Variants in BCAR3 observed in about 807,000 individuals in gnomAD.
BCAR3 encodes the protein BCAR3 adaptor protein, NSP family member.
BCAR3 carries 37 observed loss-of-function variants against 80.1 expected under a neutral mutation model. The ratio of observed to expected loss-of-function variants is 0.46; its 90% confidence interval spans 0.36 to 0.61. BCAR3 has a LOEUF of 0.61. Among genes scored for constraint, BCAR3 ranks in the 20% least tolerant of loss-of-function variants. The pLI is 0.00. For synonymous variants in BCAR3, 389 were observed against 418.9 expected, an observed-to-expected ratio of 0.93 and a Z score of 0.87; for missense variants, 978 against 1,068.2, an observed-to-expected ratio of 0.92 and a Z score of 1.18.
At chr1:93,660,053 C>G (rs530101621) in intron 2 of BCAR3, among the ~76,000 whole-genome samples, 1 of 147,236 alleles carries the variant, frequency 6.8e-6, no homozygotes, top group Non-Finnish European at 1.5e-5. Flanking sequence ...AATAAATGAA[C>G]GTGTGTGTGT....
intron 2 of BCAR3, among the ~76,000 whole-genome samples, chr1:93,673,097 C>A (rs1341370531): frequency 6.6e-6 from 1 of 152,204 alleles, no homozygotes; most frequent in Non-Finnish European, 1.5e-5. Flanking sequence ...GCTTAAATAT[C>A]ATCTCAGAAA....
At chr1:93,622,956 C>A (rs1366469337) in intron 3 of BCAR3, among the ~76,000 whole-genome samples, 1 of 152,090 alleles carries the variant, frequency 6.6e-6, no homozygotes, top group Non-Finnish European at 1.5e-5. Flanking sequence ...GGGTAACTAT[C>A]CAGGAACACC....
chr1:93,685,906 T>C (rs189734318), upstream of BCAR3, among the ~76,000 whole-genome samples: 2 of 152,202 alleles, frequency 1.3e-5, no homozygotes. Context: ...TCATGTTTAG[T>C]AGACTTTTTT....
intron 2 of BCAR3, among the ~76,000 whole-genome samples, chr1:93,657,253 C>T (rs1177957237): frequency 6.6e-6 from 1 of 151,654 alleles, no homozygotes; most frequent in Non-Finnish European, 1.5e-5. Context: ...TTTTTGGTTC[C>T]CTGAAACAGA....
chr1:93,597,742 G>A (rs12073460), intron 3 of BCAR3, among the ~76,000 whole-genome samples: 6,233 of 152,230 alleles, frequency 0.041, 414 homozygotes, highest in African/African-American at 0.14. Context: ...TGATGCAGGA[G>A]GCTGAGGGAG....
intron 2 of BCAR3, among the ~76,000 whole-genome samples, chr1:93,649,332 T>C (rs1349387574): frequency 1.3e-5 from 2 of 152,168 alleles, no homozygotes; most frequent in South Asian, 2.1e-4. Flanking sequence ...GGTGGTTCCA[T>C]CTTTGTGTGG....
intron 2 of BCAR3, among the ~76,000 whole-genome samples, chr1:93,672,550 G>C (rs1648264421): frequency 6.6e-6 from 1 of 152,174 alleles, no homozygotes; most frequent in African/African-American, 2.4e-5. Flanking sequence ...TCTTTAGCAG[G>C]CCAGAAGTTA....
At chr1:93,683,678 C>T (rs1342209000), upstream of BCAR3, among the ~76,000 whole-genome samples, 1 of 152,064 alleles carries the variant, frequency 6.6e-6, no homozygotes, top group African/African-American at 2.4e-5. Context: ...AAGCTGGCCG[C>T]AAATGGGTAC....
chr1:93,777,390 CTCT>C (rs995449463), intron 2 of BCAR3, among the ~76,000 whole-genome samples: 12 of 136,498 alleles, frequency 8.8e-5, no homozygotes, highest in Non-Finnish European at 1.5e-4. Context: ...CTTCTTCTTC[CTCT>C]TCTTCCTCTT....
chr1:93,588,443 A>G (rs1355422696), intron 5 of BCAR3, among the ~76,000 whole-genome samples: 3 of 151,704 alleles, frequency 2.0e-5, no homozygotes, highest in Non-Finnish European at 4.4e-5. Flanking sequence ...GTCCATTTCT[A>G]TTCTTAGGAC....
Position 93,790,200 on chromosome 1 carries a change from G to A in BCAR3, c.-63+55367C>T, listed in dbSNP as rs545051717. On this transcript the variant is annotated intron_variant, in intron 2 of 13. Coordinates refer to the BCAR3 transcript ENST00000370244. ...TTAGAAAAATAATAAACAATACAGT[G>A]AACAACCGAGAGGTTCATTTGGCTA... 5.3e-5 allele frequency among the ~76,000 whole-genome samples: 8 copies of A among 152,016 alleles called. No individual in the cohort carries two copies. In the South Asian group the frequency reaches 1.2e-3, roughly 24 times the overall value.
intron 2 of BCAR3, among the ~76,000 whole-genome samples, chr1:93,667,605 AT>A (rs1243690255): frequency 6.6e-6 from 1 of 152,248 alleles, no homozygotes; most frequent in African/African-American, 2.4e-5. Flanking sequence ...ATCACACTGC[AT>A]AAAAGCTGGG....
At chr1:93,613,019 G>A (rs940489348) in intron 3 of BCAR3, among the ~76,000 whole-genome samples, 1 of 152,200 alleles carries the variant, frequency 6.6e-6, no homozygotes, top group Non-Finnish European at 1.5e-5. Context: ...CCTTTTCAAA[G>A]GTAATGAATG....
intron 2 of BCAR3, among the ~76,000 whole-genome samples, chr1:93,796,330 T>C (rs556290750): frequency 0.034 from 4,811 of 141,238 alleles, 130 homozygotes; most frequent in Non-Finnish European, 0.051. Context: ...TAGGACCCTC[T>C]GAGCCAGGTG....
At chr1:93,685,873 A>G (rs1648956594), upstream of BCAR3, among the ~76,000 whole-genome samples, 2 of 152,142 alleles carry the variant, frequency 1.3e-5, no homozygotes, top group Non-Finnish European at 2.9e-5. Flanking sequence ...TTTCTTTTAT[A>G]ATAAGTGAGG....
At chr1:93,608,914 G>A (rs1484123605) in intron 3 of BCAR3, among the ~76,000 whole-genome samples, 1 of 152,208 alleles carries the variant, frequency 6.6e-6, no homozygotes, top group East Asian at 1.9e-4. Flanking sequence ...TGCGCAGCTC[G>A]TGCTGATGGT....
At chr1:93,687,125 C>G (rs923559248) in intron 3 of BCAR3, among the ~76,000 whole-genome samples, 1 of 152,134 alleles carries the variant, frequency 6.6e-6, no homozygotes, top group African/African-American at 2.4e-5. Context: ...GCCTGGCACT[C>G]AGTACTTATT....
intron 2 of BCAR3, among the ~76,000 whole-genome samples, chr1:93,720,844 G>T (rs1021397147): frequency 6.6e-6 from 1 of 152,196 alleles, no homozygotes; most frequent in Non-Finnish European, 1.5e-5. Flanking sequence ...CACTTGTGGG[G>T]AGGGGAGAAG....
At chr1:93,787,420 C>T (rs1652985695) in intron 2 of BCAR3, among the ~76,000 whole-genome samples, 2 of 152,162 alleles carry the variant, frequency 1.3e-5, no homozygotes, top group Admixed American at 1.3e-4. Flanking sequence ...TATTTGTGCC[C>T]TTTCAAACTT....
Sources: allele counts gnomAD v4.1 joint callset (sites outside exome capture counted in the v4.1 genomes callset), GRCh38; gene constraint gnomAD v4.1.1; transcripts MANE v1.5; gene names NCBI Gene and HGNC (gene_info 2026-07-23, HGNC 2026-07-21).